PKN2: variants seen among roughly 807,000 people sequenced by gnomAD.
PKN2 encodes the protein serine/threonine-protein kinase N2.
A neutral mutation model predicts 119.1 loss-of-function variants in PKN2; 38 were observed. That is an observed-to-expected ratio of 0.32 (90% CI 0.25 to 0.42). The LOEUF (loss-of-function observed/expected upper bound fraction) is 0.42. Among genes scored for constraint, PKN2 ranks in the 10% least tolerant of loss-of-function variants. The probability of loss-of-function intolerance (pLI) is 1.00; values close to 1 mark genes in which losing one functional copy is unlikely to be tolerated. For missense variants in PKN2, 850 were observed against 1,165.1 expected, an observed-to-expected ratio of 0.73 and a Z score of 3.94; for synonymous variants, 390 against 384.9, an observed-to-expected ratio of 1.01 and a Z score of -0.15.
intron 1 of PKN2, among the ~76,000 whole-genome samples, chr1:88,715,362 C>G (rs1349468915): frequency 6.6e-6 from 1 of 152,064 alleles, no homozygotes; most frequent in Non-Finnish European, 1.5e-5. Context: ...TTCTTTGTAC[C>G]TGTGGTAAAA....
chr1:88,807,559 A>G lies in PKN2; in HGVS notation c.1965A>G (p.Gln655=), dbSNP rs779042333. 10 of 1,612,552 alleles carry G rather than the reference A, an allele frequency of 6.2e-6. No individual in the cohort carries two copies. The Admixed American group carries it at 1.5e-4, about 24-fold the overall frequency. ...RSQQRFQFNL[Q]DFRCCAVLGR... is the part of the protein sequence containing the mutation. ...AGCAAAGGTTTCAGTTTAATCTACA[A>G]GATTTCAGGTGTTGTGCTGTCTTGG... Residue 655 remains glutamine, a synonymous_variant, in exon 14 of 22, where the codon CAA becomes CAG. Transcript: ENST00000370521.
At position 88,813,650 on chromosome 1, in the gene PKN2, T is replaced by C. The variant is rs766449388; in HGVS notation, c.2196T>C (p.His732=). The change falls in exon 16 of 22, where the codon CAT becomes CAC. Residue 732 remains histidine, a synonymous_variant. Transcript: ENST00000370521. ...TTGCATGTTTCCAAACCAAAGAGCA[T>C]GTTTGCTTTGTAATGGAATATGCTG... ...NLFACFQTKE[H]VCFVMEYAAG... 8.7e-6 allele frequency: 14 copies of C among 1,610,168 alleles called. No individual in the cohort carries two copies. The South Asian group carries it at 1.4e-4, about 17-fold the overall frequency.
At chr1:88,767,085 CT>C (rs1332531290) in intron 3 of PKN2, among the ~76,000 whole-genome samples, 1 of 152,000 alleles carries the variant, frequency 6.6e-6, no homozygotes, top group African/African-American at 2.4e-5. Flanking sequence ...ATATGGTTTA[CT>C]TAATATTTAT....
At chr1:88,703,623 C>T (rs1351276797) in intron 1 of PKN2, among the ~76,000 whole-genome samples, 1 of 152,076 alleles carries the variant, frequency 6.6e-6, no homozygotes, top group Admixed American at 6.5e-5. Flanking sequence ...TTGTAATAAG[C>T]ATTTTCCTCT....
intron 2 of PKN2, among the ~76,000 whole-genome samples, chr1:88,750,733 G>A (rs973167527): frequency 1.3e-5 from 2 of 151,944 alleles, no homozygotes; most frequent in South Asian, 2.1e-4. Flanking sequence ...TTTCTGCCCC[G>A]TTAGTGCATG....
At chr1:88,765,548 A>G (rs1174041563) in intron 3 of PKN2, among the ~76,000 whole-genome samples, 1 of 152,230 alleles carries the variant, frequency 6.6e-6, no homozygotes, top group African/African-American at 2.4e-5. Context: ...ATGTTTCTAT[A>G]CATATGTATG....
At chr1:88,734,053 G>A (rs1482447486) in intron 1 of PKN2, among the ~76,000 whole-genome samples, 1 of 151,968 alleles carries the variant, frequency 6.6e-6, no homozygotes, top group Non-Finnish European at 1.5e-5. Context: ...AGCTACTTGG[G>A]AGGCTAAGGT....
At position 88,697,319 on chromosome 1, in the gene PKN2, A is replaced by T. The variant is rs184845071; in HGVS notation, c.48+12691A>T. ...TTGAATAAATAAATGAACAGATTTT[A>T]AAAAACATTATATGACCAATCTGCC... On this transcript the variant is annotated intron_variant, in intron 1 of 21. Transcript: ENST00000370521. Among the ~76,000 whole-genome samples, 454 of 152,298 alleles carry T rather than the reference A, an allele frequency of 3.0e-3. 4 individuals are homozygous for T. The highest frequency in any genetic ancestry group is 0.01 in the African/African-American group (432 of 41,574).
chr1:88,806,175 A>G (rs1463552835), intron 12 of PKN2, 158 bp downstream of exon 12: 2 of 665,536 alleles, frequency 3.0e-6, no homozygotes, highest in Non-Finnish European at 5.0e-6. Flanking sequence ...GTTTTTTGAG[A>G]CAGAGTTTCA....
intron 1 of PKN2, among the ~76,000 whole-genome samples, chr1:88,713,889 T>G (rs1422547072): frequency 6.6e-6 from 1 of 152,242 alleles, no homozygotes; most frequent in East Asian, 1.9e-4. Context: ...CTAGGTTTTC[T>G]TCTAGGGTTT....
At chr1:88,791,908 A>AT (rs1217972291) in intron 8 of PKN2, among the ~76,000 whole-genome samples, 2 of 152,342 alleles carry the variant, frequency 1.3e-5, no homozygotes, top group East Asian at 3.9e-4. Context: ...CTGGTCACAG[A>AT]TTTTTTAATG....
chr1:88,688,488 A>G (rs1241492804), intron 1 of PKN2, among the ~76,000 whole-genome samples: 1 of 152,218 alleles, frequency 6.6e-6, no homozygotes, highest in Non-Finnish European at 1.5e-5. Flanking sequence ...CAAAAACGTA[A>G]TTAACCAACA....
At chr1:88,716,671 T>A (rs1446839576) in intron 1 of PKN2, among the ~76,000 whole-genome samples, 2 of 152,236 alleles carry the variant, frequency 1.3e-5, no homozygotes, top group East Asian at 3.9e-4. Flanking sequence ...ATCCCTTTAT[T>A]TTGAGCCTAT....
intron 6 of PKN2, among the ~76,000 whole-genome samples, chr1:88,777,926 C>T (rs1258894051): frequency 6.6e-6 from 1 of 152,182 alleles, no homozygotes; most frequent in East Asian, 1.9e-4. Context: ...GTTTCATCTA[C>T]AAAATGAGAA....
At chr1:88,755,143 T>C (rs934415461) in intron 2 of PKN2, among the ~76,000 whole-genome samples, 1 of 152,148 alleles carries the variant, frequency 6.6e-6, no homozygotes, top group Non-Finnish European at 1.5e-5. Flanking sequence ...TTTTAAAAAA[T>C]TTTTTGAATG....
intron 6 of PKN2, among the ~76,000 whole-genome samples, chr1:88,774,384 C>T (rs897764985): frequency 3.3e-5 from 5 of 152,184 alleles, no homozygotes; most frequent in African/African-American, 9.7e-5. Flanking sequence ...GCCTCAACCT[C>T]CTGAAGATAT....
intron 1 of PKN2, among the ~76,000 whole-genome samples, chr1:88,734,451 G>A (rs953302686): frequency 2.0e-5 from 3 of 152,104 alleles, no homozygotes; most frequent in Admixed American, 2.0e-4. Flanking sequence ...AACACCACTT[G>A]TTGCCCTTTT....
intron 8 of PKN2, among the ~76,000 whole-genome samples, chr1:88,786,979 T>G (rs1282762579): frequency 6.8e-6 from 1 of 147,986 alleles, no homozygotes; most frequent in African/African-American, 2.5e-5. Context: ...CTTTCCCAGT[T>G]TTAAAAGTAG....
intron 2 of PKN2, among the ~76,000 whole-genome samples, chr1:88,743,342 C>T (rs765019159): frequency 2.0e-5 from 3 of 152,168 alleles, no homozygotes; most frequent in East Asian, 1.9e-4. Context: ...CAGTGCTTCT[C>T]GTATATTCCT....
Sources: allele counts gnomAD v4.1 joint callset (sites outside exome capture counted in the v4.1 genomes callset), GRCh38; gene constraint gnomAD v4.1.1; transcripts MANE v1.5; gene names NCBI Gene and HGNC (gene_info 2026-07-23, HGNC 2026-07-21).